The following EARS2 variants were observed in gnomAD, a reference collection of about 807,000 sequenced individuals.
EARS2 encodes the protein nondiscriminating glutamyl-tRNA synthetase EARS2, mitochondrial.
Under a neutral mutation model 54.1 loss-of-function variants are expected in EARS2, and 50 were observed. That is an observed-to-expected ratio of 0.92 (90% CI 0.74 to 1.17). EARS2 has a LOEUF of 1.17. Ranked by LOEUF, EARS2 falls within the 50% of genes most tolerant of loss-of-function variation. The pLI is 0.00. For missense variants in EARS2, 673 were observed against 675.0 expected (o/e 1.00, Z 0.03); for synonymous variants, 298 against 281.0 (o/e 1.06, Z -0.61).
chr16:23,556,544 G>C (rs1459715321), intron 1 of EARS2, among the ~76,000 whole-genome samples: 1 of 152,158 alleles, frequency 6.6e-6, no homozygotes, highest in African/African-American at 2.4e-5. Flanking sequence ...AGTAGAGACA[G>C]GGCTTCACCA....
chr16:23,530,820 G>A (rs1170599110), intron 5 of EARS2, among the ~76,000 whole-genome samples: 1 of 152,006 alleles, frequency 6.6e-6, no homozygotes, highest in Non-Finnish European at 1.5e-5. Context: ...AGGCTGCAGT[G>A]AACCGAGATG....
At chr16:23,542,744 C>A (rs1442967279) in intron 3 of EARS2, among the ~76,000 whole-genome samples, 2 of 152,056 alleles carry the variant, frequency 1.3e-5, no homozygotes, top group Admixed American at 1.3e-4. Context: ...TTGTGTAGTC[C>A]CCTCCCCTTG....
chr16:23,553,722 T>C, intron 1 of EARS2, among the ~76,000 whole-genome samples: 1 of 151,972 alleles, frequency 6.6e-6, no homozygotes, highest in Non-Finnish European at 1.5e-5. Context: ...AAACCCCGTC[T>C]CTACTAAAAA....
chr16:23,556,892 T>C (rs1158198518), intron 1 of EARS2: 7 of 600,360 alleles, frequency 1.2e-5, no homozygotes, highest in Non-Finnish European at 2.2e-5. Context: ...GCCCCTACCT[T>C]TCTCAATGAT....
intron 4 of EARS2, among the ~76,000 whole-genome samples, chr16:23,534,117 G>C (rs758730937): frequency 2.0e-5 from 3 of 151,836 alleles, no homozygotes; most frequent in Non-Finnish European, 4.4e-5. Flanking sequence ...CAGCAGCTCA[G>C]TCCCATACGG....
Position 23,535,016 on chromosome 16 carries a change from A to G in EARS2, c.830T>C (p.Leu277Pro). 5 of 1,612,512 alleles carry G rather than the reference A, an allele frequency of 3.1e-6. No homozygotes were observed. The highest frequency in any genetic ancestry group is 3.4e-6 in the Non-Finnish European group (4 of 1,179,464). The change falls in exon 4 of 9, where the codon CTC becomes CCC. Residue 277 changes from leucine (L) to proline (P), a missense_variant. Physicochemically the swap from Leu to Pro is moderately conservative, Grantham distance 98. Coordinates refer to ENST00000449606, the MANE Select transcript of EARS2 (RefSeq NM_001083614.2). Reference sequence around the variant, plus strand: ...GAGCTTGCTGCCATCCCTGTTGAGGAGCAGGGGCAGGTGGGCGAAGTGGGG... The same window carrying G: ...GAGCTTGCTGCCATCCCTGTTGAGGGGCAGGGGCAGGTGGGCGAAGTGGGG... ...QPPHFAHLPL[L>P]LNRDGSKLSK...
At position 23,533,402 on chromosome 16, in the gene EARS2, A is replaced by G. The variant is rs550977174; in HGVS notation, c.959-637T>C. 5.9e-5 allele frequency among the ~76,000 whole-genome samples: 9 copies of G among 152,246 alleles called. No homozygotes were observed. The South Asian group carries it at 1.9e-3, about 32-fold the overall frequency. On this transcript the variant is annotated intron_variant, in intron 4 of 8. Transcript: ENST00000449606. ...AATGATCCTCCTGCACTGGCCTCCC[A>G]AAGTGCTGGGATTACAGACATGAGC...
At chr16:23,529,665 G>A (rs1219150433) in intron 6 of EARS2, 33 bp from the exon 7 acceptor site, 1 of 1,613,336 alleles carries the variant, frequency 6.2e-7, no homozygotes, top group Non-Finnish European at 8.5e-7. Flanking sequence ...AATGCACTAG[G>A]GACAGGGCTC....
At chr16:23,524,486 T>C (rs1965191499) in intron 8 of EARS2, 32 bp from the exon 9 acceptor site, 9 of 1,585,376 alleles carry the variant, frequency 5.7e-6, no homozygotes, top group Non-Finnish European at 7.8e-6. Context: ...ATTGCCTTAC[T>C]ACCTTAAACA....
chr16:23,555,564 C>T (rs982831634), intron 1 of EARS2, among the ~76,000 whole-genome samples: 1 of 152,216 alleles, frequency 6.6e-6, no homozygotes, highest in South Asian at 2.1e-4. Context: ...AATTTGGACC[C>T]AGGCAATCCC....
chr16:23,552,192 C>G lies in EARS2; in HGVS notation c.252G>C (p.Val84=). ...CCTCAATATTCTCCGCTGCCCCAGG[C>G]ACAACGCGAGTCTGATCTGTGTCCT... is the stretch of plus-strand genomic sequence containing the variant. ...RLEDTDQTRV[V]PGAAENIEDM... The change falls in exon 2 of 9, where the codon GTG becomes GTC. Residue 84 remains valine (V), a synonymous_variant. Transcript: ENST00000449606. 6.2e-7 allele frequency: 1 copy of G among 1,614,166 alleles called. No individual in the cohort carries two copies. Among genetic ancestry groups the G allele is most frequent in the Non-Finnish European group, 8.5e-7 (1 of 1,180,000 alleles).
chr16:23,531,419 C>A (rs1334955757), intron 5 of EARS2, among the ~76,000 whole-genome samples: 1 of 152,184 alleles, frequency 6.6e-6, no homozygotes, highest in Admixed American at 6.6e-5. Flanking sequence ...CGCCACCACA[C>A]CCGGCTAAGT....
At chr16:23,534,382 G>A (rs1003981502) in intron 4 of EARS2, among the ~76,000 whole-genome samples, 2 of 152,208 alleles carry the variant, frequency 1.3e-5, no homozygotes, top group African/African-American at 2.4e-5. Flanking sequence ...CTAAGTCTTG[G>A]ACCATGGGTA....
Position 23,524,316 on chromosome 16 carries a change from G to C in EARS2, c.*55C>G. 6.6e-7 allele frequency: 1 copy of C among 1,521,748 alleles called. No individual in the cohort carries two copies. The highest frequency in any genetic ancestry group is 9.1e-7 in the Non-Finnish European group (1 of 1,096,406). 94.3% of individuals were successfully genotyped at this position (1,521,748 alleles called of 1,614,324 possible). A position where few individuals can be genotyped will look rare whatever the true frequency, so the allele number is the denominator to read the frequency against. On this transcript the variant is annotated 3_prime_UTR_variant, in exon 9 of 9. Coordinates refer to ENST00000449606, the MANE Select transcript of EARS2 (RefSeq NM_001083614.2). ...GGCCTCCTTCTGGTCTCTGAAAGCT[G>C]TTTCTAAGCTCACAGGTTCTTAGGG...
Position 23,557,240 on chromosome 16 carries a change from A to G in EARS2, c.104T>C (p.Val35Ala). 6.6e-7 allele frequency: 1 copy of G among 1,519,146 alleles called. No homozygotes were observed. The highest frequency in any genetic ancestry group is 8.7e-7 in the Non-Finnish European group (1 of 1,142,918). 94.1% of individuals were successfully genotyped at this position (1,519,146 alleles called of 1,614,324 possible). ...GGGAGCGAACCGCACTCGCACCGCA[A>G]CCCCGGCATCAGTGCCCAGGTTGGC... ...REANLGTDAG[V>A]AVRVRFAPSP... Residue 35 changes from valine (V) to alanine (A), a missense_variant, in exon 1 of 9, where the codon GTT becomes GCT. Val to Ala is a moderately conservative substitution (Grantham distance 64). This residue lies in a region of EARS2 where 316 missense variants were observed against 275.2 expected (regional missense o/e 1.15). Coordinates refer to ENST00000449606, the MANE Select transcript of EARS2 (RefSeq NM_001083614.2).
chr16:23,526,995 C>T (rs1567377979), intron 7 of EARS2, among the ~76,000 whole-genome samples: 1 of 152,034 alleles, frequency 6.6e-6, no homozygotes, highest in African/African-American at 2.4e-5. Context: ...CAGGATCTTG[C>T]TCTGTCACCT....
At chr16:23,547,502 A>G (rs948832646) in intron 2 of EARS2, among the ~76,000 whole-genome samples, 3 of 152,146 alleles carry the variant, frequency 2.0e-5, no homozygotes, top group Non-Finnish European at 4.4e-5. Flanking sequence ...CATGTGAATT[A>G]TATGTCATTT....
Position 23,529,807 on chromosome 16 carries a change from G to A in EARS2, c.1158C>T (p.Cys386=). The change falls in exon 6 of 9, where the codon TGC becomes TGT. Residue 386 remains cysteine, a synonymous_variant. Transcript: ENST00000449606. ...TGAGGACATCCCTGTTTTGCAGCTG[G>A]CAACCAAAGGCCTCCTCCACAAGGA... The part of the protein sequence containing the change: ...LQVLVEEAFG[C]QLQNRDVLNP... The A allele has an allele frequency of 1.9e-6, 3 of 1,614,152 alleles. No homozygotes were observed. Among genetic ancestry groups the A allele is most frequent in the Non-Finnish European group, 2.5e-6 (3 of 1,180,028 alleles).
At chr16:23,555,298 C>A (rs1286222512) in intron 1 of EARS2, among the ~76,000 whole-genome samples, 1 of 152,138 alleles carries the variant, frequency 6.6e-6, no homozygotes, top group Non-Finnish European at 1.5e-5. Context: ...TCCGCCCAGG[C>A]AACATGGCAA....
Sources: gnomAD v4.1 joint callset for allele counts (sites outside exome capture counted in the v4.1 genomes callset) on GRCh38, gnomAD v4.1.1 for gene constraint, gnomAD v4.1.1 regional missense constraint, MANE v1.5 for transcripts, NCBI Gene and HGNC (gene_info 2026-07-23, HGNC 2026-07-21) for gene names.